Variants in COA8 observed in about 807,000 individuals in gnomAD.
COA8 encodes the protein UPF0671 protein C14orf153.
Under a neutral mutation model 22.0 loss-of-function variants are expected in COA8, and 20 were observed. The ratio of observed to expected loss-of-function variants is 0.91; its 90% CI spans 0.64 to 1.32. The LOEUF (loss-of-function observed/expected upper bound fraction) is 1.32. COA8 is among the 40% of genes most tolerant of loss of function. The probability of loss-of-function intolerance (pLI) is 0.00; values close to 1 mark genes in which losing one functional copy is unlikely to be tolerated. For synonymous variants in COA8, 105 were observed against 79.9 expected (o/e 1.31, Z -1.68); for missense variants, 266 against 230.0 (o/e 1.16, Z -1.01).
intron 3 of COA8, among the ~76,000 whole-genome samples, chr14:103,582,175 A>G (rs988349713): frequency 9.2e-5 from 14 of 152,144 alleles, no homozygotes; most frequent in Admixed American, 7.2e-4. Context: ...AAGAGACCTC[A>G]CTTCCTGTTC....
chr14:103,573,857 C>G (rs996203049), intron 2 of COA8, among the ~76,000 whole-genome samples: 5 of 152,174 alleles, frequency 3.3e-5, no homozygotes, highest in African/African-American at 9.6e-5. Flanking sequence ...CTGACCTATT[C>G]TGTGGATTTA....
chr14:103,563,305 G>C, intron 1 of COA8, 181 bp downstream of exon 1: 6 of 838,314 alleles, frequency 7.2e-6, no homozygotes, highest in African/African-American at 1.7e-5. Context: ...TCAGTCGGAT[G>C]GGACTGAGGG....
At chr14:103,569,090 C>T (rs577133182) in intron 1 of COA8, among the ~76,000 whole-genome samples, 3 of 152,196 alleles carry the variant, frequency 2.0e-5, no homozygotes, top group Non-Finnish European at 2.9e-5. Context: ...GTGCCCTCCC[C>T]GCAGACATGA....
chr14:103,574,332 C>A, intron 3 of COA8, 162 bp downstream of exon 3: 2 of 912,142 alleles, frequency 2.2e-6, no homozygotes, highest in Non-Finnish European at 3.5e-6. Context: ...CTCTTGCACA[C>A]CCAGTTCCCA....
At position 103,574,103 on chromosome 14, in the gene COA8, T is replaced by TTTTTTTG; in HGVS notation, c.322-4_322-3insTTTTTTG. ...CTTTTTTTTTTTTTTTTTTTTTTTT[T>TTTTTTTG]AAGGAAAAAGAAGAATTTATTCACT... On this transcript the variant is annotated splice_polypyrimidine_tract_variant and splice_region_variant and intron_variant, in intron 2 of 4. Coordinates refer to ENST00000409074, the MANE Select transcript of COA8 (RefSeq NM_001370595.2). The TTTTTTTG allele has an allele frequency of 1.3e-6, 2 of 1,484,218 alleles. No individual in the cohort carries two copies. Among genetic ancestry groups the TTTTTTTG allele is most frequent in the Non-Finnish European group, 1.8e-6 (2 of 1,115,538 alleles). 91.9% of individuals were successfully genotyped at this position (1,484,218 alleles called of 1,614,324 possible).
chr14:103,568,528 T>C (rs936461129), intron 1 of COA8, among the ~76,000 whole-genome samples: 5 of 150,108 alleles, frequency 3.3e-5, no homozygotes, highest in Admixed American at 6.6e-5. Flanking sequence ...TACACACACA[T>C]ACACATATAC....
intron 1 of COA8, among the ~76,000 whole-genome samples, chr14:103,568,564 T>A (rs1168209404): frequency 1.7e-5 from 2 of 118,218 alleles, no homozygotes; most frequent in African/African-American, 6.2e-5. Flanking sequence ...TATACACACA[T>A]ATATACGTGT....
intron 3 of COA8, among the ~76,000 whole-genome samples, chr14:103,585,721 G>A (rs193215982): frequency 2.7e-5 from 4 of 150,046 alleles, no homozygotes; most frequent in Admixed American, 1.3e-4. Context: ...GACTACAGAC[G>A]CACGCCACTA....
At chr14:103,564,258 C>G (rs2076117498) in intron 1 of COA8, among the ~76,000 whole-genome samples, 2 of 152,102 alleles carry the variant, frequency 1.3e-5, no homozygotes, top group African/African-American at 4.8e-5. Context: ...CTTTGAAGGT[C>G]TATCTAGTTT....
rs373686680 is a variant in COA8, at chr14:103,579,641, G to A, written c.385+5471G>A. The A allele has an allele frequency of 4.0e-5, 6 of 149,190 alleles. 1 individual carries two copies. Among genetic ancestry groups the A allele is most frequent in the South Asian group, 4.6e-4 (2 of 4,322 alleles). The allele number at this position is 149,190 out of a possible 1,614,324, so 9.2% of individuals were successfully genotyped here. On this transcript the variant is annotated intron_variant, in intron 3 of 4. Transcript: ENST00000409074. ...TGGGATTATAGGCATGAGCCACCGC[G>A]CCCGGCCAAAAATAGAAAAATTTAG...
rs540014234 is a variant in COA8 at position 103,581,862 on chromosome 14, C to T, written c.386-5412C>T. ...AGGGGACAGCCGTGCTTGTGCTGTG[C>T]CGTCTGAGTGTTTGTTTCTGTCTGT... On this transcript the variant is annotated intron_variant, in intron 3 of 4. Transcript: ENST00000409074. This position sits in a 1 kb window ranked among gnomAD's most constrained non-coding sequence, Gnocchi z 4.1. Among the ~76,000 whole-genome samples, 26 of 152,298 alleles carry T rather than the reference C, an allele frequency of 1.7e-4. No individual in the cohort carries two copies. The highest frequency in any genetic ancestry group is 2.5e-4 in the Non-Finnish European group (17 of 68,022).
At chr14:103,566,837 C>T (rs2076138363) in intron 1 of COA8, among the ~76,000 whole-genome samples, 1 of 152,232 alleles carries the variant, frequency 6.6e-6, no homozygotes, top group African/African-American at 2.4e-5. Flanking sequence ...CAAGGGAGCA[C>T]CACCCTGGGC....
In COA8 at chr14:103,590,338, G is replaced by A. The variant is rs1261378605; in HGVS notation, c.*52G>A. On this transcript the variant is annotated 3_prime_UTR_variant, in exon 5 of 5. Transcript: ENST00000409074. Reference sequence around the variant, plus strand: ...CAGGTTTCCACAGGAAGCAGATGGAGCTCCTTTCACAGGGGCTCTGAGAAA... The same window carrying A: ...CAGGTTTCCACAGGAAGCAGATGGAACTCCTTTCACAGGGGCTCTGAGAAA... 2 of 1,500,800 alleles carry A rather than the reference G, an allele frequency of 1.3e-6. No homozygotes were observed. The allele number at this position is 1,500,800 out of a possible 1,614,324, so 93.0% of individuals were successfully genotyped here.
chr14:103,570,953 C>T (rs1340063843), intron 1 of COA8, among the ~76,000 whole-genome samples: 3 of 152,010 alleles, frequency 2.0e-5, no homozygotes, highest in African/African-American at 2.4e-5. Context: ...GGCTTCTGGG[C>T]GGGTCCAGGA....
intron 1 of COA8, among the ~76,000 whole-genome samples, chr14:103,563,879 AC>A (rs2076113385): frequency 6.6e-6 from 1 of 152,188 alleles, no homozygotes; most frequent in Non-Finnish European, 1.5e-5. Flanking sequence ...TAAAAATTGG[AC>A]GGGCTCCGTG....
At chr14:103,564,691 T>A (rs138881132) in intron 1 of COA8, among the ~76,000 whole-genome samples, 10 of 150,310 alleles carry the variant, frequency 6.7e-5, no homozygotes, top group African/African-American at 2.5e-4. Context: ...GCGATTCTCG[T>A]GCCTCAGCCT....
At chr14:103,564,256 G>A (rs1224685742) in intron 1 of COA8, among the ~76,000 whole-genome samples, 2 of 152,144 alleles carry the variant, frequency 1.3e-5, no homozygotes, top group Non-Finnish European at 2.9e-5. Flanking sequence ...AGCTTTGAAG[G>A]TCTATCTAGT....
In COA8 at chr14:103,574,104, A is replaced by ATT; in HGVS notation, c.322-3_322-2insTT. On this transcript the variant is annotated splice_polypyrimidine_tract_variant and splice_region_variant and intron_variant, in intron 2 of 4. Coordinates refer to ENST00000409074, the MANE Select transcript of COA8 (RefSeq NM_001370595.2). ...TTTTTTTTTTTTTTTTTTTTTTTTT[A>ATT]AGGAAAAAGAAGAATTTATTCACTC... 9.7e-7 allele frequency: 1 copy of ATT among 1,028,788 alleles called. No individual in the cohort carries two copies. Among genetic ancestry groups the ATT allele is most frequent in the Non-Finnish European group, 1.3e-6 (1 of 768,542 alleles). 63.7% of individuals were successfully genotyped at this position (1,028,788 alleles called of 1,614,324 possible).
intron 1 of COA8, among the ~76,000 whole-genome samples, chr14:103,570,664 C>T (rs1420912796): frequency 6.6e-6 from 1 of 152,056 alleles, no homozygotes. Context: ...ACCCGGGAGG[C>T]GGAGGTTGCA....
Sources: allele counts gnomAD v4.1 joint callset (sites outside exome capture counted in the v4.1 genomes callset), GRCh38; gene constraint gnomAD v4.1.1; non-coding constraint Gnocchi (gnomAD v3.1); transcripts MANE v1.5; gene names NCBI Gene and HGNC (gene_info 2026-07-23, HGNC 2026-07-21).